PTPRG: variants seen among roughly 807,000 people sequenced by gnomAD.
The protein encoded by PTPRG is protein tyrosine phosphatase receptor type G, also known as receptor-type tyrosine-protein phosphatase gamma.
A neutral mutation model predicts 165.3 loss-of-function variants in PTPRG; 102 were observed. The observed-to-expected ratio is 0.62, with a 90% CI of 0.53 to 0.73. PTPRG has a LOEUF of 0.73. Among genes scored for constraint, PTPRG ranks in the 30% least tolerant of loss-of-function variants. The pLI is 0.00. For missense variants in PTPRG, 1,866 were observed against 1,861.4 expected, an observed-to-expected ratio of 1.00 and a Z score of -0.05; for synonymous variants, 675 against 669.5, an observed-to-expected ratio of 1.01 and a Z score of -0.13.
intron 2 of PTPRG, among the ~76,000 whole-genome samples, chr3:61,834,114 G>C (rs1486089942): frequency 1.3e-5 from 2 of 152,156 alleles, no homozygotes; most frequent in African/African-American, 4.8e-5. Flanking sequence ...ATTTGTCAAA[G>C]AACACATTTG....
At chr3:61,672,455 C>A (rs1263677497) in intron 1 of PTPRG, among the ~76,000 whole-genome samples, 2 of 138,954 alleles carry the variant, frequency 1.4e-5, no homozygotes, top group Middle Eastern at 3.5e-3. Context: ...AATGAGACTC[C>A]GTCTGCAATC....
intron 2 of PTPRG, among the ~76,000 whole-genome samples, chr3:61,814,577 C>T (rs2035698309): frequency 6.6e-6 from 1 of 151,792 alleles, no homozygotes; most frequent in African/African-American, 2.4e-5. Context: ...TTTTCTCAGA[C>T]CTCTGGTAAC....
chr3:61,725,909 G>A (rs1450159357), intron 1 of PTPRG, among the ~76,000 whole-genome samples: 1 of 152,128 alleles, frequency 6.6e-6, no homozygotes, highest in Non-Finnish European at 1.5e-5. Flanking sequence ...GCCTGGCCCA[G>A]CAGGAGAGTT....
At chr3:61,695,016 C>CT (rs796619011) in intron 1 of PTPRG, among the ~76,000 whole-genome samples, 3,025 of 146,102 alleles carry the variant, frequency 0.021, 100 homozygotes, top group African/African-American at 0.07. Context: ...TTTTCTTTTT[C>CT]TTTTTTTTTT....
chr3:61,793,183 C>A (rs1334415928), intron 2 of PTPRG, among the ~76,000 whole-genome samples: 1 of 152,202 alleles, frequency 6.6e-6, no homozygotes, highest in Non-Finnish European at 1.5e-5. Context: ...CTGCTTCTCA[C>A]AGTTCTACTA....
chr3:61,852,728 C>T (rs1333715531), intron 2 of PTPRG, among the ~76,000 whole-genome samples: 2 of 152,168 alleles, frequency 1.3e-5, no homozygotes, highest in African/African-American at 4.8e-5. Flanking sequence ...TTGTCAAGTT[C>T]ACGGTGGCTA....
intron 2 of PTPRG, among the ~76,000 whole-genome samples, chr3:61,923,114 T>C (rs114136235): frequency 0.066 from 10,112 of 152,180 alleles, 449 homozygotes; most frequent in East Asian, 0.23. Context: ...TGCCTAGAGC[T>C]TAGTAGGTAC....
chr3:61,592,506 G>C (rs188030991), intron 1 of PTPRG, among the ~76,000 whole-genome samples: 6 of 152,106 alleles, frequency 3.9e-5, no homozygotes, highest in African/African-American at 1.4e-4. Context: ...ACTGTGCCAG[G>C]GTGAATGGAT....
At chr3:61,627,986 G>A (rs1170792337) in intron 1 of PTPRG, among the ~76,000 whole-genome samples, 1 of 152,194 alleles carries the variant, frequency 6.6e-6, no homozygotes, top group African/African-American at 2.4e-5. Flanking sequence ...TGACATGGAG[G>A]AGTGCCAACA....
At position 62,237,088 on chromosome 3, in the gene PTPRG, G is replaced by A. The variant is rs935668933; in HGVS notation, c.2375+5777G>A. On this transcript the variant is annotated intron_variant, in intron 14 of 29. Coordinates refer to ENST00000474889, the MANE Select transcript of PTPRG (RefSeq NM_002841.4). This position sits in a 1 kb window ranked among gnomAD's most constrained non-coding sequence, Gnocchi z 4.5. ...CAGCACTTTGCTTCTGAAAAATATTGGTCACTAAATTATTTCCAGGTTCTT... is the reference window on the plus strand; with the variant it reads ...CAGCACTTTGCTTCTGAAAAATATTAGTCACTAAATTATTTCCAGGTTCTT... Among the ~76,000 whole-genome samples the A allele has an allele frequency of 6.6e-6, 1 of 151,984 alleles. No individual in the cohort carries two copies. The highest frequency in any genetic ancestry group is 2.4e-5 in the African/African-American group (1 of 41,364).
At chr3:61,876,751 A>G (rs1235251263) in intron 2 of PTPRG, among the ~76,000 whole-genome samples, 1 of 152,078 alleles carries the variant, frequency 6.6e-6, no homozygotes, top group African/African-American at 2.4e-5. Flanking sequence ...TCTAATACAA[A>G]AAGGTATAAG....
At chr3:62,028,379 C>T (rs76160141) in intron 4 of PTPRG, among the ~76,000 whole-genome samples, 7,307 of 152,136 alleles carry the variant, frequency 0.048, 378 homozygotes, top group African/African-American at 0.13. Flanking sequence ...GATTCTGATT[C>T]CAAACAAAAC....
At chr3:61,872,328 C>T (rs1280292894) in intron 2 of PTPRG, among the ~76,000 whole-genome samples, 1 of 152,138 alleles carries the variant, frequency 6.6e-6, no homozygotes, top group Non-Finnish European at 1.5e-5. Context: ...AGTCACTTCA[C>T]TCCAGTCTGG....
chr3:62,292,855 G>C (rs1334060664), intron 29 of PTPRG: 4 of 470,470 alleles, frequency 8.5e-6, no homozygotes, highest in African/African-American at 8.0e-5. Context: ...GTATTCTCTG[G>C]TTATCTTCAT....
chr3:61,995,681 CGCCTTCCTTCCTTCCTTCCTTCCTTCCT>C (rs1481007440), intron 3 of PTPRG, among the ~76,000 whole-genome samples: 7 of 90,504 alleles, frequency 7.7e-5, no homozygotes, highest in Non-Finnish European at 1.4e-4. Flanking sequence ...CCTGCCCGCC[CGCCTTCCTTCCTTCCTTCCTTCCTTCCT>C]TCCTTCCTTC....
intron 4 of PTPRG, among the ~76,000 whole-genome samples, chr3:62,014,607 C>A (rs1016548281): frequency 2.0e-5 from 3 of 152,120 alleles, no homozygotes; most frequent in African/African-American, 7.2e-5. Context: ...TGAGTTCATG[C>A]CTCTGTGTTC....
intron 1 of PTPRG, among the ~76,000 whole-genome samples, chr3:61,706,445 C>T (rs1014988613): frequency 6.6e-6 from 1 of 151,014 alleles, no homozygotes; most frequent in African/African-American, 2.4e-5. Context: ...GCAGAAATGA[C>T]ATTAACTCAT....
chr3:62,017,510 G>T (rs959318224), intron 4 of PTPRG, among the ~76,000 whole-genome samples: 3 of 151,884 alleles, frequency 2.0e-5, no homozygotes, highest in Non-Finnish European at 4.4e-5. Flanking sequence ...CCGCCTCCCG[G>T]GTTCACGCCA....
Position 62,267,667 on chromosome 3 carries a change from T to A in PTPRG, c.2740-18T>A, listed in dbSNP as rs1362057625. 62 of 1,607,874 alleles carry A rather than the reference T, an allele frequency of 3.9e-5. No homozygotes were observed. Among genetic ancestry groups the A allele is most frequent in the Non-Finnish European group, 5.3e-5 (62 of 1,177,782 alleles). ...TGATAACTGCTTTCATCTCACTTTGTGCTGTGTCATTTTGAAGGGTTACAA... is the reference window on the plus strand; with the variant it reads ...TGATAACTGCTTTCATCTCACTTTGAGCTGTGTCATTTTGAAGGGTTACAA... On this transcript the variant is annotated intron_variant, in intron 18 of 29. Transcript: ENST00000474889.
Sources: allele counts gnomAD v4.1 joint callset (sites outside exome capture counted in the v4.1 genomes callset), GRCh38; gene constraint gnomAD v4.1.1; non-coding constraint Gnocchi (gnomAD v3.1); transcripts MANE v1.5; gene names NCBI Gene and HGNC (gene_info 2026-07-23, HGNC 2026-07-21).